ARHGEF11: variants seen among roughly 807,000 people sequenced by gnomAD.
ARHGEF11 encodes the protein Rho guanine nucleotide exchange factor 11.
In ARHGEF11, 55 loss-of-function variants were observed where a neutral mutation model predicts 193.7. That is an observed-to-expected ratio of 0.28 (90% CI 0.23 to 0.36). The LOEUF (loss-of-function observed/expected upper bound fraction) is 0.36. Among genes scored for constraint, ARHGEF11 ranks in the 10% least tolerant of loss-of-function variants. The pLI, the probability that ARHGEF11 is intolerant of heterozygous loss-of-function variation, is 1.00. For synonymous variants in ARHGEF11, 693 were observed against 768.0 expected, an observed-to-expected ratio of 0.90 and a Z score of 1.62; for missense variants, 1,723 against 2,005.6, an observed-to-expected ratio of 0.86 and a Z score of 2.69.
chr1:156,978,424 C>G, intron 5 of ARHGEF11, 42 bp from the exon 6 acceptor site: 2 of 1,538,958 alleles, frequency 1.3e-6, no homozygotes, highest in Non-Finnish European at 1.7e-6. Flanking sequence ...GAGTGCTGTT[C>G]TGGAGAGACA....
At chr1:157,005,473 G>A (rs1667713612) in intron 1 of ARHGEF11, among the ~76,000 whole-genome samples, 1 of 152,178 alleles carries the variant, frequency 6.6e-6, no homozygotes, top group Admixed American at 6.5e-5. Flanking sequence ...CAGCTCAGAG[G>A]TCAGAACTGA....
intron 1 of ARHGEF11, among the ~76,000 whole-genome samples, chr1:156,987,164 T>C (rs746017491): frequency 6.6e-6 from 1 of 152,132 alleles, no homozygotes; most frequent in African/African-American, 2.4e-5. Context: ...TTGCTGCCCC[T>C]CAGAAAGGGG....
In ARHGEF11 at chr1:156,935,007, G is replaced by A. The variant is rs1571090247; in HGVS notation, c.*993C>T. On this transcript the variant is annotated 3_prime_UTR_variant, in exon 41 of 41. Coordinates refer to ENST00000368194, the MANE Select transcript of ARHGEF11 (RefSeq NM_198236.3). ...TGTATATATACACCTAGCACAGTGT[G>A]TATATTCTATTCATCAGGGAGAGTT... 6.7e-6 allele frequency: 1 copy of A among 150,346 alleles called. No individual in the cohort carries two copies. Among genetic ancestry groups the A allele is most frequent in the East Asian group, 1.9e-4 (1 of 5,144 alleles). 9.3% of individuals were successfully genotyped at this position (150,346 alleles called of 1,614,324 possible).
At chr1:157,026,922 T>G (rs900648833) in intron 1 of ARHGEF11, among the ~76,000 whole-genome samples, 1 of 152,198 alleles carries the variant, frequency 6.6e-6, no homozygotes, top group African/African-American at 2.4e-5. Context: ...TTCCCTAAAG[T>G]GCAGCATGGA....
In ARHGEF11 at chr1:156,984,362, A is replaced by C. The variant is rs151017400; in HGVS notation, c.200T>G (p.Val67Gly). The change falls in exon 3 of 41, where the codon GTT becomes GGT. Residue 67 changes from valine (V) to glycine (G), a missense_variant. This residue lies in a region of ARHGEF11 where 646 missense variants were observed against 710.7 expected (regional missense o/e 0.91). Coordinates refer to ENST00000368194, the MANE Select transcript of ARHGEF11 (RefSeq NM_198236.3). The stretch of plus-strand genomic sequence containing the variant: ...ACCAGGCCGCACAGACTGCACCAGA[A>C]CAATGCGATCCCCACTGACTGTGAA... ...FGFTVSGDRI[V>G]LVQSVRPGGA... 1.0e-5 allele frequency: 16 copies of C among 1,594,284 alleles called. No homozygotes were observed. In the African/African-American group the frequency reaches 1.9e-4, roughly 19 times the overall value.
intron 22 of ARHGEF11, chr1:156,949,079 C>A: frequency 1.0e-6 from 1 of 985,434 alleles, no homozygotes; most frequent in Non-Finnish European, 1.2e-6. Context: ...GGATTCTTAG[C>A]CTTCCAGTTG....
intron 34 of ARHGEF11, 67 bp from the exon 35 acceptor site, chr1:156,941,500 G>A: frequency 6.5e-7 from 1 of 1,528,874 alleles, no homozygotes; most frequent in Non-Finnish European, 9.1e-7. Flanking sequence ...GCATTAGAAT[G>A]GGCAATGGAG....
At chr1:157,032,509 T>A (rs1479639750) in intron 1 of ARHGEF11, among the ~76,000 whole-genome samples, 2 of 152,210 alleles carry the variant, frequency 1.3e-5, no homozygotes, top group African/African-American at 2.4e-5. Context: ...CCCACAGACC[T>A]GTATTTTAAC....
At chr1:157,026,271 C>G (rs542685252) in intron 1 of ARHGEF11, among the ~76,000 whole-genome samples, 2 of 152,216 alleles carry the variant, frequency 1.3e-5, no homozygotes, top group East Asian at 3.9e-4. Flanking sequence ...AGCTACCTTC[C>G]TGTCCTTTTG....
chr1:157,012,222 G>A (rs1037791216), intron 1 of ARHGEF11, among the ~76,000 whole-genome samples: 2 of 152,144 alleles, frequency 1.3e-5, no homozygotes, highest in Non-Finnish European at 2.9e-5. Flanking sequence ...AGTGAAAGAC[G>A]CCAGTTACAA....
At chr1:156,971,359 A>T (rs541843496) in intron 8 of ARHGEF11, among the ~76,000 whole-genome samples, 4 of 152,236 alleles carry the variant, frequency 2.6e-5, no homozygotes, top group African/African-American at 7.2e-5. Flanking sequence ...ACCAGTATAG[A>T]AATGTACATA....
chr1:156,957,857 A>T (rs889908025), intron 17 of ARHGEF11, 42 bp from the exon 18 acceptor site: 3 of 1,610,162 alleles, frequency 1.9e-6, no homozygotes, highest in African/African-American at 1.3e-5. Flanking sequence ...CTGCAAAGAC[A>T]GAGGCTGGTC....
At chr1:157,029,497 C>T (rs1420616058) in intron 1 of ARHGEF11, among the ~76,000 whole-genome samples, 1 of 152,100 alleles carries the variant, frequency 6.6e-6, no homozygotes. Context: ...GTCTTGAACT[C>T]CTGACCTCAG....
chr1:157,007,496 A>G (rs564069560), intron 1 of ARHGEF11, among the ~76,000 whole-genome samples: 4 of 152,270 alleles, frequency 2.6e-5, no homozygotes, highest in African/African-American at 9.6e-5. Context: ...GCTGAGATTT[A>G]TAAAAGGGCT....
intron 37 of ARHGEF11, 94 bp downstream of exon 37, chr1:156,939,453 CA>C (rs1656289539): frequency 6.4e-7 from 1 of 1,562,986 alleles, no homozygotes; most frequent in Non-Finnish European, 8.7e-7. Flanking sequence ...ACACGGTACC[CA>C]GGGGGAGTAT....
chr1:156,937,011 A>T lies in ARHGEF11; in HGVS notation c.4441-6T>A. On this transcript the variant is annotated splice_polypyrimidine_tract_variant and splice_region_variant and intron_variant, in intron 39 of 40. Transcript: ENST00000368194. ...CTGTGGGCCAGCTCCATATCCTGGA[A>T]GAGTCGGCGGGGGAATGTCTGCTCG... 1 of 1,611,280 alleles carries T rather than the reference A, an allele frequency of 6.2e-7. No homozygotes were observed. The highest frequency in any genetic ancestry group is 8.5e-7 in the Non-Finnish European group (1 of 1,177,678).
chr1:156,944,200 C>A, intron 31 of ARHGEF11, 98 bp from the exon 32 acceptor site: 1 of 1,484,894 alleles, frequency 6.7e-7, no homozygotes, highest in Admixed American at 1.9e-5. Flanking sequence ...CTAGGAAGTC[C>A]TGGGAGTCTG....
intron 1 of ARHGEF11, among the ~76,000 whole-genome samples, chr1:157,040,065 T>C (rs1342245026): frequency 6.6e-6 from 1 of 152,222 alleles, no homozygotes. Flanking sequence ...AATACATTAA[T>C]AAAAGGGCAC....
intron 1 of ARHGEF11, among the ~76,000 whole-genome samples, chr1:157,035,824 ATATATAT>A (rs1671878250): frequency 0.2 from 9 of 44 alleles, 1 homozygote; most frequent in Non-Finnish European, 0.22. Context: ...ATATAGGAAT[ATATATAT>A]GGAATATATA....
Sources: allele counts gnomAD v4.1 joint callset (sites outside exome capture counted in the v4.1 genomes callset), GRCh38; gene constraint gnomAD v4.1.1; regional missense constraint gnomAD v4.1.1; transcripts MANE v1.5; gene names NCBI Gene and HGNC (gene_info 2026-07-23, HGNC 2026-07-21).